CLEC1B: variants seen among roughly 807,000 people sequenced by gnomAD.
The protein encoded by CLEC1B is C-type lectin domain family 1 member B, also known as C-type lectin-like receptor 2.
In CLEC1B, 26 loss-of-function variants were observed where a neutral mutation model predicts 26.7. The observed-to-expected ratio is 0.97, with a 90% confidence interval of 0.71 to 1.35. The LOEUF (loss-of-function observed/expected upper bound fraction) is 1.35, where lower values mean the gene tolerates loss of function less well. CLEC1B is among the 40% of genes most tolerant of loss of function. The probability of loss-of-function intolerance (pLI) is 0.00; values close to 1 mark genes in which losing one functional copy is unlikely to be tolerated. For missense variants in CLEC1B, 293 were observed against 282.6 expected (o/e 1.04, Z -0.26); for synonymous variants, 112 against 96.0 (o/e 1.17, Z -0.97).
At chr12:9,994,810 AACAC>A (rs779892673) in intron 5 of CLEC1B, among the ~76,000 whole-genome samples, 11 of 149,184 alleles carry the variant, frequency 7.4e-5, no homozygotes, top group African/African-American at 2.5e-4. Context: ...AAAACACAAA[AACAC>A]ACACACATGT....
chr12:9,994,589 T>C (rs1333584194), intron 5 of CLEC1B, among the ~76,000 whole-genome samples: 1 of 152,068 alleles, frequency 6.6e-6, no homozygotes, highest in East Asian at 1.9e-4. Flanking sequence ...TCCCTTTGCC[T>C]GGATTGTTTG....
Position 9,993,158 on chromosome 12 carries a change from C to A in CLEC1B, c.675G>T (p.Val225=). 6.2e-7 allele frequency: 1 copy of A among 1,610,304 alleles called. No individual in the cohort carries two copies. The highest frequency in any genetic ancestry group is 8.5e-7 in the Non-Finnish European group (1 of 1,177,968). ...CCTCTTTGCATTAAGGTAGTTGGTC[C>A]ACCTTGGTCATGCCAGCCTTCCTCT... The part of the protein sequence containing the change: ...MCERKAGMTK[V]DQLP Residue 225 remains valine, a synonymous_variant, in exon 6 of 6, where the codon GTG becomes GTT. Transcript: ENST00000298527.
chr12:10,000,821 C>T (rs1380880964), upstream of CLEC1B, among the ~76,000 whole-genome samples: 1 of 152,192 alleles, frequency 6.6e-6, no homozygotes, highest in Non-Finnish European at 1.5e-5. Flanking sequence ...ATCAGCAAGT[C>T]CTGAGGCTAT....
intron 4 of CLEC1B, chr12:9,995,497 A>G: frequency 2.4e-6 from 1 of 413,666 alleles, no homozygotes; most frequent in Non-Finnish European, 4.6e-6. Context: ...TGTTTATAAC[A>G]TGTATTTAGA....
chr12:9,995,193 C>T lies in CLEC1B; in HGVS notation c.492G>A (p.Gln164=). 4.3e-6 allele frequency: 7 copies of T among 1,613,184 alleles called. No individual in the cohort carries two copies. The highest frequency in any genetic ancestry group is 5.9e-6 in the Non-Finnish European group (7 of 1,179,240). Residue 164 remains glutamine (Q), a synonymous_variant, in exon 5 of 6, where the codon CAG becomes CAA. Coordinates refer to ENST00000298527, the MANE Select transcript of CLEC1B (RefSeq NM_016509.4). ...CCCACTTCCAGACCTCATTCGACTT[C>T]TGGCGAGATAATCCGACCCAACGAA... The part of the protein sequence containing the change: ...HLIRWVGLSR[Q]KSNEVWKWED...
intron 5 of CLEC1B, 197 bp downstream of exon 5, chr12:9,994,943 C>A: frequency 1.4e-6 from 2 of 1,401,614 alleles, no homozygotes; most frequent in Non-Finnish European, 1.9e-6. Flanking sequence ...TGGATTGTGG[C>A]TTAGATAAAG....
intron 3 of CLEC1B, 76 bp downstream of exon 3, chr12:9,997,084 C>G: frequency 6.2e-7 from 1 of 1,609,218 alleles, no homozygotes; most frequent in Non-Finnish European, 8.5e-7. Flanking sequence ...CTGCAGATCT[C>G]AAACTCCCTT....
upstream of CLEC1B, among the ~76,000 whole-genome samples, chr12:10,000,884 A>G (rs1793299187): frequency 6.6e-6 from 1 of 152,146 alleles, no homozygotes; most frequent in Non-Finnish European, 1.5e-5. Flanking sequence ...GCTTTCCTTC[A>G]GTGTTTTGTT....
At chr12:9,998,473 T>A (rs940951811) in intron 1 of CLEC1B, 93 bp from the exon 2 acceptor site, 2 of 841,612 alleles carry the variant, frequency 2.4e-6, no homozygotes, top group African/African-American at 1.7e-5. Context: ...CTTCTCAGGG[T>A]CCTCCAAGTA....
rs756289126 is a variant in CLEC1B at position 9,995,207 on chromosome 12, C to T, written c.478G>A (p.Gly160Arg). The T allele has an allele frequency of 1.4e-5, 22 of 1,613,034 alleles. No homozygotes were observed. Among genetic ancestry groups the T allele is most frequent in the East Asian group, 8.9e-5 (4 of 44,870 alleles). ...KARTHLIRWVGLSRQKSNEVW... is the reference protein window; with the variant it reads ...KARTHLIRWVRLSRQKSNEVW... ...TCATTCGACTTCTGGCGAGATAATCCGACCCAACGAATTAAATGAGTCCTG... is the reference window on the plus strand; with the variant it reads ...TCATTCGACTTCTGGCGAGATAATCTGACCCAACGAATTAAATGAGTCCTG... The change falls in exon 5 of 6, where the codon GGA becomes AGA. Residue 160 changes from glycine (G) to arginine (R), a missense_variant. Transcript: ENST00000298527.
chr12:9,999,199 T>G, upstream of CLEC1B: 3 of 784,810 alleles, frequency 3.8e-6, no homozygotes, highest in Non-Finnish European at 6.6e-6. Context: ...ATGATCTTCC[T>G]GTCTTTAGTA....
intron 1 of CLEC1B, 100 bp downstream of exon 1, chr12:9,998,937 G>T: frequency 1.4e-6 from 1 of 699,808 alleles, no homozygotes; most frequent in Non-Finnish European, 2.4e-6. Flanking sequence ...TCAAGAAAAA[G>T]AAATTAAACT....
At chr12:10,001,699 G>A (rs1303441566), upstream of CLEC1B, among the ~76,000 whole-genome samples, 1 of 152,172 alleles carries the variant, frequency 6.6e-6, no homozygotes, top group African/African-American at 2.4e-5. Context: ...AAGAGAGATA[G>A]ATATCACAAA....
intron 4 of CLEC1B, among the ~76,000 whole-genome samples, chr12:9,996,319 T>C (rs1355995851): frequency 6.6e-6 from 1 of 152,234 alleles, no homozygotes; most frequent in Non-Finnish European, 1.5e-5. Context: ...AAAAGTTGCA[T>C]GACTACTTTT....
At chr12:9,994,064 G>A (rs1356366954) in intron 5 of CLEC1B, among the ~76,000 whole-genome samples, 6 of 152,000 alleles carry the variant, frequency 3.9e-5, no homozygotes, top group Admixed American at 2.6e-4. Context: ...AAACAGTGGT[G>A]GACTGTATGG....
At chr12:10,000,753 G>C (rs1445368808), upstream of CLEC1B, among the ~76,000 whole-genome samples, 1 of 152,162 alleles carries the variant, frequency 6.6e-6, no homozygotes, top group Non-Finnish European at 1.5e-5. Flanking sequence ...TTTTCTGGAA[G>C]ATTGGGGTTG....
At chr12:10,001,129 AT>A (rs1421156032), upstream of CLEC1B, among the ~76,000 whole-genome samples, 1 of 152,216 alleles carries the variant, frequency 6.6e-6, no homozygotes, top group Non-Finnish European at 1.5e-5. Flanking sequence ...TATTGTAAAC[AT>A]TTTTTGTTTA....
chr12:9,997,305 A>G (rs768480984), intron 2 of CLEC1B, 26 bp from the exon 3 acceptor site: 9 of 1,583,988 alleles, frequency 5.7e-6, no homozygotes, highest in Non-Finnish European at 6.9e-6. Context: ...AAATAATAAT[A>G]ATTTGTAATT....
intron 4 of CLEC1B, 149 bp downstream of exon 4, chr12:9,996,697 C>A: frequency 1.3e-6 from 1 of 794,440 alleles, no homozygotes; most frequent in Middle Eastern, 3.0e-4. Flanking sequence ...TATCTGGGTT[C>A]TGTAATTCTT....
Sources: allele counts gnomAD v4.1 joint callset (sites outside exome capture counted in the v4.1 genomes callset), GRCh38; gene constraint gnomAD v4.1.1; transcripts MANE v1.5; gene names NCBI Gene and HGNC (gene_info 2026-07-23, HGNC 2026-07-21).